The following ANAPC15 variants were observed in gnomAD, a reference collection of about 807,000 sequenced individuals.
ANAPC15 encodes the protein anaphase-promoting complex subunit 15.
A neutral mutation model predicts 19.8 loss-of-function variants in ANAPC15; 13 were observed. The ratio of observed to expected loss-of-function variants is 0.66; its 90% CI spans 0.43 to 1.04. The LOEUF (loss-of-function observed/expected upper bound fraction) is 1.04, where lower values mean the gene tolerates loss of function less well. Among genes scored for constraint, ANAPC15 ranks in the 50% least tolerant of loss-of-function variants. ANAPC15 has a pLI of 0.00. For missense variants in ANAPC15, 88 were observed against 150.3 expected (o/e 0.59, Z 2.17); for synonymous variants, 45 against 50.7 (o/e 0.89, Z 0.47).
chr11:72,110,320 A>AC lies in ANAPC15; in HGVS notation c.181-96dup, dbSNP rs561551303. The AC allele has an allele frequency of 7.1e-4, 1,127 of 1,579,734 alleles. 6 individuals are homozygous for AC. In the African/African-American group the frequency reaches 0.014, roughly 20 times the overall value. On this transcript the variant is annotated intron_variant, in intron 4 of 5. Coordinates refer to ENST00000227618, the MANE Select transcript of ANAPC15 (RefSeq NM_014042.3). Reference sequence around the variant, plus strand: ...AGCCTCTCTCTAGGGCCAATGAATGACCCCCTACCCCGACACTCCCTCCTT... The same window carrying AC: ...AGCCTCTCTCTAGGGCCAATGAATGACCCCCCTACCCCGACACTCCCTCCTT...
chr11:72,107,870 G>A (rs999526545), downstream of ANAPC15: 2 of 1,540,392 alleles, frequency 1.3e-6, no homozygotes. Flanking sequence ...TCTTTTATCA[G>A]GGGCCCTGCA....
At chr11:72,107,348 A>C (rs1208135265), downstream of ANAPC15, 11 of 632,128 alleles carry the variant, frequency 1.7e-5, no homozygotes, top group Non-Finnish European at 2.9e-5. Context: ...GAAACTACAA[A>C]TTCTAACAGA....
downstream of ANAPC15, chr11:72,107,904 C>T (rs991052462): frequency 3.9e-6 from 6 of 1,551,372 alleles, no homozygotes; most frequent in South Asian, 3.6e-5. Context: ...TCTTCTGCAA[C>T]AGCCATCTCC....
chr11:72,112,614 G>A, intron 1 of ANAPC15, 36 bp downstream of exon 1: 1 of 454,018 alleles, frequency 2.2e-6, no homozygotes, highest in South Asian at 1.6e-5. Context: ...GAATGAAGGG[G>A]CAAGGAGACG....
chr11:72,109,703 G>T lies in ANAPC15; in HGVS notation c.*178C>A, dbSNP rs1946167318. On this transcript the variant is annotated 3_prime_UTR_variant, in exon 6 of 6. Coordinates refer to ENST00000227618, the MANE Select transcript of ANAPC15 (RefSeq NM_014042.3). ...TCAGGCCCTGGGGATTTCAAGTGCAGACTGATGGCCTGGGAGGGGCCAAAG... is the reference window on the plus strand; with the variant it reads ...TCAGGCCCTGGGGATTTCAAGTGCATACTGATGGCCTGGGAGGGGCCAAAG... The T allele has an allele frequency of 2.1e-5, 15 of 709,206 alleles. No homozygotes were observed. Among genetic ancestry groups the T allele is most frequent in the Non-Finnish European group, 3.6e-5 (15 of 414,752 alleles). The allele number at this position is 709,206 out of a possible 1,614,324, so 43.9% of individuals were successfully genotyped here.
intron 5 of ANAPC15, 34 bp from the exon 6 acceptor site, chr11:72,109,962 C>T (rs1038354872): frequency 6.2e-7 from 1 of 1,613,892 alleles, no homozygotes; most frequent in Non-Finnish European, 8.5e-7. Context: ...TGGGGAGGGG[C>T]CTCAGCCAGC....
downstream of ANAPC15, chr11:72,108,111 G>A: frequency 2.0e-6 from 3 of 1,517,704 alleles, no homozygotes; most frequent in East Asian, 2.5e-5. Flanking sequence ...CGGCTTTGAT[G>A]AGCACATGGT....
chr11:72,108,796 T>C, downstream of ANAPC15: 1 of 1,550,548 alleles, frequency 6.4e-7, no homozygotes, highest in Non-Finnish European at 8.7e-7. Flanking sequence ...TCTTCCCTGG[T>C]GCACCCCGCT....
chr11:72,107,833 C>A, downstream of ANAPC15: 2 of 1,426,318 alleles, frequency 1.4e-6, no homozygotes, highest in Non-Finnish European at 1.9e-6. Flanking sequence ...TTGGGAGCTG[C>A]AGTGAGGCAG....
intron 1 of ANAPC15, 123 bp from the exon 2 acceptor site, chr11:72,111,619 T>C (rs1398983497): frequency 9.6e-6 from 2 of 209,162 alleles, no homozygotes; most frequent in Non-Finnish European, 2.0e-5. Flanking sequence ...GAGTCAAGTG[T>C]AGGGATAGGA....
downstream of ANAPC15, chr11:72,108,034 G>T (rs1591192192): frequency 6.4e-7 from 1 of 1,551,536 alleles, no homozygotes; most frequent in Middle Eastern, 1.7e-4. Flanking sequence ...CCCCCTGGGG[G>T]TCGCCTTCTT....
At chr11:72,107,129 TG>T (rs58762963), downstream of ANAPC15, 35,064 of 360,242 alleles carry the variant, frequency 0.097, 2,383 homozygotes, top group East Asian at 0.22. Context: ...TAGCCGGGTG[TG>T]GTGGTGAGTA....
Position 72,109,717 on chromosome 11 carries a change from G to T in ANAPC15, c.*164C>A. On this transcript the variant is annotated 3_prime_UTR_variant, in exon 6 of 6. Transcript: ENST00000227618. ...TTTCAAGTGCAGACTGATGGCCTGG[G>T]AGGGGCCAAAGAGACCAGATCCTGG... is the stretch of plus-strand genomic sequence containing the variant. The T allele has an allele frequency of 1.3e-6, 1 of 787,586 alleles. No individual in the cohort carries two copies. The highest frequency in any genetic ancestry group is 2.1e-6 in the Non-Finnish European group (1 of 474,310). The allele number at this position is 787,586 out of a possible 1,614,324, so 48.8% of individuals were successfully genotyped here.
chr11:72,111,446 T>C lies in ANAPC15; in HGVS notation c.-45A>G. On this transcript the variant is annotated 5_prime_UTR_variant, in exon 2 of 6. Coordinates refer to ENST00000227618, the MANE Select transcript of ANAPC15 (RefSeq NM_014042.3). The stretch of plus-strand genomic sequence containing the variant: ...AGTCCTGGCTCCACCACTTACTAGC[T>C]GTTTGACCTTGGCTGAGTCACTTAA... The C allele has an allele frequency of 1.7e-6, 1 of 592,352 alleles. No individual in the cohort carries two copies. Among genetic ancestry groups the C allele is most frequent in the Non-Finnish European group, 3.0e-6 (1 of 328,296 alleles). 36.7% of individuals were successfully genotyped at this position (592,352 alleles called of 1,614,324 possible).
chr11:72,108,164 C>T, downstream of ANAPC15: 1 of 1,445,688 alleles, frequency 6.9e-7, no homozygotes, highest in Non-Finnish European at 9.2e-7. Flanking sequence ...CACCCCAGGC[C>T]TTGCCCCCAG....
Position 72,109,884 on chromosome 11 carries a change from G to A in ANAPC15, c.363C>T (p.Ile121=). 1.2e-6 allele frequency: 2 copies of A among 1,613,776 alleles called. No homozygotes were observed. The highest frequency in any genetic ancestry group is 1.1e-5 in the South Asian group (1 of 91,048). Residue 121 remains isoleucine (I), a synonymous_variant, in exon 6 of 6, where the codon ATC becomes ATT. Coordinates refer to ENST00000227618, the MANE Select transcript of ANAPC15 (RefSeq NM_014042.3). ...GAGGCCACCCTGCCTTGTCTACCTA[G>A]ATCATCCACTGGTCCTGATCCTGTT... ...GNEQDQDQWM[I] is the part of the protein sequence containing the mutation.
At chr11:72,107,877 T>C (rs774653159), downstream of ANAPC15, 96 of 1,546,494 alleles carry the variant, frequency 6.2e-5, no homozygotes, top group South Asian at 2.4e-5. Flanking sequence ...TCAGGGGCCC[T>C]GCATCCATCT....
Position 72,111,306 on chromosome 11 carries a change from G to A in ANAPC15, c.-10-20C>T, listed in dbSNP as rs772087601. 6.4e-7 allele frequency: 1 copy of A among 1,554,618 alleles called. No individual in the cohort carries two copies. The highest frequency in any genetic ancestry group is 1.7e-5 in the Admixed American group (1 of 59,342). ...CCTAGACTGAGGGAAAGGGTCAAGT[G>A]AATGTGTTTTGCTTTGTTTTTGTTT... is the stretch of plus-strand genomic sequence containing the variant. On this transcript the variant is annotated intron_variant, in intron 2 of 5. Transcript: ENST00000227618.
chr11:72,111,643 A>G (rs769083860), intron 1 of ANAPC15, 147 bp from the exon 2 acceptor site: 3 of 192,390 alleles, frequency 1.6e-5, no homozygotes, highest in Non-Finnish European at 3.3e-5. Context: ...CAGAATGCAG[A>G]CTGGCATTAT....
Sources: allele counts gnomAD v4.1 joint callset, GRCh38; gene constraint gnomAD v4.1.1; transcripts MANE v1.5; gene names NCBI Gene and HGNC (gene_info 2026-07-23, HGNC 2026-07-21).